The following TCOF1 variants were observed in gnomAD, a reference collection of about 807,000 sequenced individuals.
The protein encoded by TCOF1 is treacle protein.
TCOF1 carries 33 observed loss-of-function variants against 149.0 expected under a neutral mutation model. That is an observed-to-expected ratio of 0.22 (90% CI 0.17 to 0.30). TCOF1 has a LOEUF of 0.30. Among genes scored for constraint, TCOF1 ranks in the 10% least tolerant of loss-of-function variants. The pLI, the probability that TCOF1 is intolerant of heterozygous loss-of-function variation, is 1.00. For synonymous variants in TCOF1, 789 were observed against 738.8 expected, an observed-to-expected ratio of 1.07 and a Z score of -1.10; for missense variants, 1,728 against 1,840.7, an observed-to-expected ratio of 0.94 and a Z score of 1.12.
chr5:150,380,139 G>A (rs1764806008), intron 17 of TCOF1: 2 of 245,150 alleles, frequency 8.2e-6, no homozygotes, highest in South Asian at 4.8e-5. Flanking sequence ...GGAAAAGAAA[G>A]GAAGGCCAGG....
rs1768547517 is a variant in TCOF1, at chr5:150,396,510, G to A, written c.4013G>A (p.Ser1338Asn). The A allele has an allele frequency of 1.2e-6, 2 of 1,611,918 alleles. No homozygotes were observed. The highest frequency in any genetic ancestry group is 1.1e-5 in the South Asian group (1 of 90,902). Residue 1338 changes from serine to asparagine, a missense_variant, in exon 24 of 27, where the codon AGC becomes AAC. By Grantham distance (46) the Ser-to-Asn change is conservative. Around this residue, in one of 2 missense-constraint regions of TCOF1, gnomAD observed 1,696 missense variants for 1,765.4 expected, o/e 0.96. Transcript: ENST00000643257. ...RKKVVDTTKE[S>N]SRKGWESRKR... ...AAGGTGGTGGACACCACCAAGGAGA[G>A]CAGCAGGAAGGGCTGGGAGAGCCGC...
chr5:150,386,431 G>A (rs1188883313), intron 17 of TCOF1, among the ~76,000 whole-genome samples: 6 of 152,292 alleles, frequency 3.9e-5, no homozygotes, highest in African/African-American at 7.2e-5. Flanking sequence ...GTGGCAGATC[G>A]GAGCAGCCGC....
chr5:150,371,935 G>T, intron 6 of TCOF1, 71 bp from the exon 7 acceptor site: 1 of 1,354,150 alleles, frequency 7.4e-7, no homozygotes, highest in Non-Finnish European at 1.0e-6. Context: ...AACTGCTGAA[G>T]CCCCTAATAC....
rs1769465768 is a variant in TCOF1 at position 150,400,107 on chromosome 5, A to G, written c.*320A>G. On this transcript the variant is annotated 3_prime_UTR_variant, in exon 27 of 27. Transcript: ENST00000643257. ...TCCTTCCACAGACCCCACATGCCCA[A>G]AGGCCTCGGGACTTCCCACCACCTT... The G allele has an allele frequency of 3.3e-5, 5 of 152,458 alleles. No individual in the cohort carries two copies. In the South Asian group the frequency reaches 1.0e-3, roughly 32 times the overall value. The allele number at this position is 152,458 out of a possible 1,614,324, so 9.4% of individuals were successfully genotyped here.
chr5:150,372,630 G>A (rs1261498028), intron 7 of TCOF1, among the ~76,000 whole-genome samples: 1 of 152,156 alleles, frequency 6.6e-6, no homozygotes, highest in African/African-American at 2.4e-5. Flanking sequence ...CAAGGCCCTG[G>A]GTGTATCCCA....
chr5:150,381,761 A>G (rs1327392867), intron 17 of TCOF1, among the ~76,000 whole-genome samples: 2 of 152,214 alleles, frequency 1.3e-5, no homozygotes, highest in African/African-American at 2.4e-5. Flanking sequence ...AAGGGGATTG[A>G]CTGTCTTAAA....
At position 150,396,771 on chromosome 5, in the gene TCOF1, G is replaced by T. The variant is rs746447584; in HGVS notation, c.4274G>T (p.Gly1425Val). Residue 1425 changes from glycine to valine, a missense_variant, in exon 24 of 27, where the codon GGG (glycine) becomes GTG (valine). This residue lies in a region of TCOF1 where 1,696 missense variants were observed against 1,765.4 expected (regional missense o/e 0.96). Coordinates refer to ENST00000643257, the MANE Select transcript of TCOF1 (RefSeq NM_001371623.1). The stretch of plus-strand genomic sequence containing the variant: ...GAGCCAGAAGAGGAGCTTCAGAAGG[G>T]GATGGGGACGGTTGAAGGTGGAGAT... ...KDEPEEELQKGMGTVEGGDQS... is the reference protein window; with the variant it reads ...KDEPEEELQKVMGTVEGGDQS... 1 of 1,611,948 alleles carries T rather than the reference G, an allele frequency of 6.2e-7. No homozygotes were observed. Among genetic ancestry groups the T allele is most frequent in the South Asian group, 1.1e-5 (1 of 90,820 alleles).
chr5:150,372,278 TC>T, intron 7 of TCOF1, 42 bp downstream of exon 7: 2 of 1,547,694 alleles, frequency 1.3e-6, no homozygotes, highest in Non-Finnish European at 1.8e-6. Context: ...GACCTGCGGG[TC>T]CCCCAGCAGC....
chr5:150,393,669 C>T (rs1003047011), intron 23 of TCOF1, 117 bp downstream of exon 23: 6 of 1,385,838 alleles, frequency 4.3e-6, no homozygotes, highest in Admixed American at 1.9e-5. Flanking sequence ...CCCCCAGAGC[C>T]TCTCCAAGTG....
Position 150,375,638 on chromosome 5 carries a change from ACT to A in TCOF1, c.1705-80_1705-79del. ...TGTGGCCTCCCAACCTCACACTGGG[ACT>A]CTGTCTACAATCTTAGTTTCTTAAT... On this transcript the variant is annotated intron_variant, in intron 11 of 26. Transcript: ENST00000643257. 3 of 1,611,688 alleles carry A rather than the reference ACT, an allele frequency of 1.9e-6. No homozygotes were observed. In the South Asian group the frequency reaches 3.3e-5, roughly 18 times the overall value.
chr5:150,364,315 C>T (rs1760822541), intron 3 of TCOF1, 63 bp downstream of exon 3: 28 of 1,607,472 alleles, frequency 1.7e-5, no homozygotes, highest in Non-Finnish European at 2.3e-5. Context: ...GTAGAGTCTA[C>T]CTCCAGCTTC....
intron 23 of TCOF1, chr5:150,393,817 C>T (rs971939287): frequency 4.0e-6 from 2 of 496,436 alleles, no homozygotes; most frequent in Non-Finnish European, 7.3e-6. Context: ...AGTTCAAGGC[C>T]AGCCTGGGCA....
rs1477642929 is a variant in TCOF1 at position 150,393,056 on chromosome 5, A to G, written c.3603+266A>G. 5 of 593,316 alleles carry G rather than the reference A, an allele frequency of 8.4e-6. No homozygotes were observed. The African/African-American group carries it at 9.3e-5, about 11-fold the overall frequency. 36.8% of individuals were successfully genotyped at this position (593,316 alleles called of 1,614,324 possible). A position where few individuals can be genotyped will look rare whatever the true frequency, so the allele number is the denominator to read the frequency against. On this transcript the variant is annotated intron_variant, in intron 22 of 26. Coordinates refer to ENST00000643257, the MANE Select transcript of TCOF1 (RefSeq NM_001371623.1). Reference sequence around the variant, plus strand: ...CTTGATTCTGGGTGATGTCCGGACAAAAACATTCTTTAGCAGATTTATTTT... The same window carrying G: ...CTTGATTCTGGGTGATGTCCGGACAGAAACATTCTTTAGCAGATTTATTTT...
In TCOF1 at chr5:150,368,876, C is replaced by T. The variant is rs779174758; in HGVS notation, c.539C>T (p.Pro180Leu). 87 of 1,613,690 alleles carry T rather than the reference C, an allele frequency of 5.4e-5. No individual in the cohort carries two copies. The highest frequency in any genetic ancestry group is 1.3e-4 in the South Asian group (12 of 91,090). Residue 180 changes from proline (P) to leucine (L), a missense_variant, in exon 5 of 27, where the codon CCG (proline) becomes CTG (leucine). Around this residue, in one of 2 missense-constraint regions of TCOF1, gnomAD observed 1,696 missense variants for 1,765.4 expected, o/e 0.96. Transcript: ENST00000643257. The part of the protein sequence containing the change: ...VSETEEEGSV[P>L]AFGAAAKPGM... ...GAAACTGAGGAGGAGGGCAGCGTCCCGGCCTTTGGAGCTGCTGCCAAGCCT... is the reference window on the plus strand; with the variant it reads ...GAAACTGAGGAGGAGGGCAGCGTCCTGGCCTTTGGAGCTGCTGCCAAGCCT...
rs1001807080 is a variant in TCOF1 at position 150,374,289 on chromosome 5, A to G, written c.986A>G (p.Gln329Arg). ...PPGKAGAVAS[Q>R]TKAGKPEEDS... is the part of the protein sequence containing the mutation. ...GGGAAGGCAGGGGCTGTAGCCTCCCAGACCAAGGCAGGGAAGCCAGAGGAG... is the reference window on the plus strand; with the variant it reads ...GGGAAGGCAGGGGCTGTAGCCTCCCGGACCAAGGCAGGGAAGCCAGAGGAG... Residue 329 changes from glutamine (Q) to arginine (R), a missense_variant, in exon 8 of 27, where the codon CAG becomes CGG. Around this residue, in one of 2 missense-constraint regions of TCOF1, gnomAD observed 1,696 missense variants for 1,765.4 expected, o/e 0.96. Transcript: ENST00000643257. 6.3e-7 allele frequency: 1 copy of G among 1,594,176 alleles called. No homozygotes were observed. The highest frequency in any genetic ancestry group is 8.6e-7 in the Non-Finnish European group (1 of 1,169,580).
intron 2 of TCOF1, among the ~76,000 whole-genome samples, chr5:150,362,350 A>G (rs1175308731): frequency 6.6e-6 from 1 of 152,192 alleles, no homozygotes; most frequent in Non-Finnish European, 1.5e-5. Flanking sequence ...ACCACAGCTG[A>G]CTAAGGGAGT....
chr5:150,373,710 T>C (rs980181225), intron 7 of TCOF1, among the ~76,000 whole-genome samples: 4 of 152,192 alleles, frequency 2.6e-5, no homozygotes, highest in Non-Finnish European at 4.4e-5. Context: ...CCTTCCCCAC[T>C]TTCAGACTGC....
At position 150,375,005 on chromosome 5, in the gene TCOF1, A is replaced by G. The variant is rs773805033; in HGVS notation, c.1330A>G (p.Lys444Glu). 3.1e-6 allele frequency: 5 copies of G among 1,613,810 alleles called. No homozygotes were observed. Among genetic ancestry groups the G allele is most frequent in the Non-Finnish European group, 3.4e-6 (4 of 1,179,954 alleles). ...GGTCAGAGCCGCCTCGGCCCCTGCCAAGGAGTCCCCCAGGAAAGGGGCTGC... is the reference window on the plus strand; with the variant it reads ...GGTCAGAGCCGCCTCGGCCCCTGCCGAGGAGTCCCCCAGGAAAGGGGCTGC... ...PQVRAASAPAKESPRKGAAPA... is the reference protein window; with the variant it reads ...PQVRAASAPAEESPRKGAAPA... The change falls in exon 10 of 27, where the codon AAG (lysine) becomes GAG (glutamate). Residue 444 changes from lysine (K) to glutamate (E), a missense_variant. This residue lies in a region of TCOF1 where 1,696 missense variants were observed against 1,765.4 expected (regional missense o/e 0.96). Transcript: ENST00000643257.
intron 1 of TCOF1, among the ~76,000 whole-genome samples, chr5:150,360,742 T>TTG (rs1759869966): frequency 1.3e-5 from 2 of 151,408 alleles, no homozygotes; most frequent in Non-Finnish European, 3.0e-5. Flanking sequence ...CTTTTTTTTT[T>TTG]TTTTTTTTTT....
Sources: allele counts gnomAD v4.1 joint callset (sites outside exome capture counted in the v4.1 genomes callset), GRCh38; gene constraint gnomAD v4.1.1; regional missense constraint gnomAD v4.1.1; transcripts MANE v1.5; gene names NCBI Gene and HGNC (gene_info 2026-07-23, HGNC 2026-07-21).